RYR3: variants seen among roughly 807,000 people sequenced by gnomAD.
RYR3 encodes the protein brain ryanodine receptor-calcium release channel.
A neutral mutation model predicts 584.3 loss-of-function variants in RYR3; 207 were observed. The ratio of observed to expected loss-of-function variants is 0.35; its 90% CI spans 0.32 to 0.40. RYR3 has a LOEUF of 0.40. RYR3 is among the 10% of genes least tolerant of loss of function. RYR3 has a pLI of 1.00. For synonymous variants in RYR3, 2,416 were observed against 2,248.5 expected (o/e 1.07, Z -2.11); for missense variants, 5,616 against 6,089.2 (o/e 0.92, Z 2.59).
At chr15:33,554,242 G>C (rs539252399) in intron 10 of RYR3, among the ~76,000 whole-genome samples, 23 of 151,602 alleles carry the variant, frequency 1.5e-4, no homozygotes, top group African/African-American at 4.4e-4. Context: ...CATCAGTGTG[G>C]TCATACCTTG....
At chr15:33,393,770 T>C (rs2042140488) in intron 1 of RYR3, among the ~76,000 whole-genome samples, 1 of 152,206 alleles carries the variant, frequency 6.6e-6, no homozygotes, top group African/African-American at 2.4e-5. Context: ...CCAGGCAAAT[T>C]CACAATCTTG....
intron 29 of RYR3, 58 bp from the exon 30 acceptor site, chr15:33,647,366 G>A (rs1045815770): frequency 2.8e-6 from 4 of 1,412,364 alleles, no homozygotes; most frequent in African/African-American, 2.8e-5. Flanking sequence ...TTGCCTGTCG[G>A]AACTGTGGGA....
At chr15:33,566,474 G>T (rs7163256) in intron 11 of RYR3, among the ~76,000 whole-genome samples, 10,223 of 152,222 alleles carry the variant, frequency 0.067, 471 homozygotes, top group Non-Finnish European at 0.084. Context: ...TCATCAAAGC[G>T]CTGTGTCTAA....
At chr15:33,545,417 A>G (rs969237373) in intron 8 of RYR3, among the ~76,000 whole-genome samples, 2 of 152,166 alleles carry the variant, frequency 1.3e-5, no homozygotes, top group African/African-American at 4.8e-5. Context: ...TGGAGCAGAC[A>G]TGCATGCCAT....
intron 86 of RYR3, among the ~76,000 whole-genome samples, chr15:33,833,059 G>C (rs1298880471): frequency 4.0e-5 from 6 of 151,802 alleles, no homozygotes; most frequent in African/African-American, 1.5e-4. Flanking sequence ...GACCACGTAG[G>C]CTATGGATAG....
At chr15:33,477,560 G>T (rs1425272103) in intron 2 of RYR3, among the ~76,000 whole-genome samples, 1 of 127,582 alleles carries the variant, frequency 7.8e-6, no homozygotes, top group Non-Finnish European at 1.6e-5. Context: ...GGAATTTAAA[G>T]GTATCTTGTT....
At chr15:33,783,837 G>T (rs1448650861) in intron 65 of RYR3, among the ~76,000 whole-genome samples, 3 of 152,186 alleles carry the variant, frequency 2.0e-5, no homozygotes, top group Non-Finnish European at 4.4e-5. Context: ...TTGTCCTGCT[G>T]CAAGATGCAG....
chr15:33,406,195 G>A (rs71462867), intron 1 of RYR3, among the ~76,000 whole-genome samples: 13,933 of 152,180 alleles, frequency 0.092, 765 homozygotes, highest in African/African-American at 0.14. Context: ...TTTGTCATGG[G>A]TACATGGAAA....
At chr15:33,631,067 C>T in intron 22 of RYR3, 143 bp from the exon 23 acceptor site, 1 of 574,876 alleles carries the variant, frequency 1.7e-6, no homozygotes, top group Non-Finnish European at 3.1e-6. Flanking sequence ...GGCATTTACT[C>T]TGTGGCCCCT....
At chr15:33,807,859 C>T (rs2076287878) in intron 70 of RYR3, 1 of 471,996 alleles carries the variant, frequency 2.1e-6, no homozygotes, top group Non-Finnish European at 3.8e-6. Context: ...ACCACACTAA[C>T]AGAGATAGGG....
chr15:33,657,699 G>A (rs912106448), intron 32 of RYR3, among the ~76,000 whole-genome samples: 1 of 152,200 alleles, frequency 6.6e-6, no homozygotes, highest in African/African-American at 2.4e-5. Flanking sequence ...GAGGCAGGCA[G>A]TACTAGCAGT....
At chr15:33,795,184 C>T (rs2075522182) in intron 67 of RYR3, among the ~76,000 whole-genome samples, 1 of 152,054 alleles carries the variant, frequency 6.6e-6, no homozygotes, top group Non-Finnish European at 1.5e-5. Context: ...TGCCCTGCCA[C>T]AGCAGTGTGT....
chr15:33,860,705 CA>C lies in RYR3; in HGVS notation c.14364+47del, dbSNP rs777814673. 2.0e-5 allele frequency: 26 copies of C among 1,328,240 alleles called. No individual in the cohort carries two copies. In the African/African-American group the frequency reaches 3.8e-4, roughly 19 times the overall value. The allele number at this position is 1,328,240 out of a possible 1,614,324, so 82.3% of individuals were successfully genotyped here. A position where few individuals can be genotyped will look rare whatever the true frequency, so the allele number is the denominator to read the frequency against. On this transcript the variant is annotated intron_variant, in intron 101 of 103. Transcript: ENST00000634891. Reference sequence around the variant, plus strand: ...AATCCCAGCTCTATTTTAATATCCCCAGAAGCAAATAGATTTTTTAAACAAT... The same window carrying C: ...AATCCCAGCTCTATTTTAATATCCCCGAAGCAAATAGATTTTTTAAACAAT...
intron 38 of RYR3, among the ~76,000 whole-genome samples, chr15:33,689,191 G>C (rs1169630736): frequency 7.7e-6 from 1 of 130,660 alleles, no homozygotes; most frequent in African/African-American, 3.0e-5. Context: ...TTGGACACAG[G>C]GTGGGGAACA....
At chr15:33,484,827 C>G (rs1385141953) in intron 2 of RYR3, among the ~76,000 whole-genome samples, 1 of 151,990 alleles carries the variant, frequency 6.6e-6, no homozygotes, top group East Asian at 1.9e-4. Flanking sequence ...ATTCAAAAAG[C>G]CTGTAAGACA....
chr15:33,312,377 TGG>T (rs5811752), intron 1 of RYR3, among the ~76,000 whole-genome samples: 2 of 151,770 alleles, frequency 1.3e-5, no homozygotes, highest in African/African-American at 4.8e-5. Flanking sequence ...GGGTCTTATT[TGG>T]GGGGGGTATG....
intron 52 of RYR3, among the ~76,000 whole-genome samples, chr15:33,744,010 T>A (rs1446037096): frequency 6.6e-6 from 1 of 152,126 alleles, no homozygotes; most frequent in East Asian, 1.9e-4. Flanking sequence ...TAGCCTCATC[T>A]CCTCCTTTGC....
chr15:33,574,285 G>T (rs2058183247), intron 12 of RYR3, among the ~76,000 whole-genome samples: 2 of 152,142 alleles, frequency 1.3e-5, no homozygotes, highest in Non-Finnish European at 2.9e-5. Flanking sequence ...TAAAATGAAA[G>T]TGTTTTTAAA....
chr15:33,406,752 C>A (rs774355441), intron 1 of RYR3, among the ~76,000 whole-genome samples: 8 of 152,096 alleles, frequency 5.3e-5, no homozygotes, highest in South Asian at 4.1e-4. Flanking sequence ...CTATCCCAGG[C>A]CATTTCATTG....
Sources: gnomAD v4.1 joint callset for allele counts (sites outside exome capture counted in the v4.1 genomes callset) on GRCh38, gnomAD v4.1.1 for gene constraint, MANE v1.5 for transcripts, NCBI Gene and HGNC (gene_info 2026-07-23, HGNC 2026-07-21) for gene names.